The following WWOX variants were observed in gnomAD, a reference collection of about 807,000 sequenced individuals.
WWOX encodes WW domain containing oxidoreductase.
Under a neutral mutation model 46.2 loss-of-function variants are expected in WWOX, and 69 were observed. The observed-to-expected ratio is 1.49, with a 90% CI of 1.23 to 1.82. The LOEUF (loss-of-function observed/expected upper bound fraction) is 1.82. WWOX is among the 40% of genes most tolerant of loss of function. WWOX has a pLI of 0.00. For synonymous variants in WWOX, 359 were observed against 202.6 expected, an observed-to-expected ratio of 1.77 and a Z score of -6.56; for missense variants, 919 against 542.6, an observed-to-expected ratio of 1.69 and a Z score of -6.89.
chr16:79,207,594 T>C (rs1333819050), intron 8 of WWOX, among the ~76,000 whole-genome samples: 2 of 152,254 alleles, frequency 1.3e-5, no homozygotes, highest in Admixed American at 1.3e-4. Context: ...TATATAGATA[T>C]GCCATGATAT....
chr16:78,690,481 C>T (rs954381312), intron 8 of WWOX, among the ~76,000 whole-genome samples: 6 of 151,966 alleles, frequency 3.9e-5, no homozygotes, highest in African/African-American at 1.5e-4. Context: ...GGGCCCTGGA[C>T]GTCAAGGCTG....
intron 5 of WWOX, among the ~76,000 whole-genome samples, chr16:78,205,827 A>ACCTTCCTTCCTTCCTTCCGT (rs375728535): frequency 2.1e-5 from 3 of 144,840 alleles, no homozygotes; most frequent in East Asian, 2.0e-4. Context: ...CTTCCTTCCT[A>ACCTTCCTTCCTTCCTTCCGT]CCTTCCTTCC....
intron 8 of WWOX, among the ~76,000 whole-genome samples, chr16:78,799,623 C>T (rs952592240): frequency 0.059 from 19 of 320 alleles, no homozygotes; most frequent in South Asian, 0.17. Flanking sequence ...TGGCTTTGGA[C>T]GGCCCCCTGA....
At chr16:79,036,097 C>A (rs1056484505) in intron 8 of WWOX, among the ~76,000 whole-genome samples, 3 of 152,234 alleles carry the variant, frequency 2.0e-5, no homozygotes, top group Admixed American at 2.0e-4. Context: ...CTCCATTTCT[C>A]ATTCACCACA....
intron 8 of WWOX, among the ~76,000 whole-genome samples, chr16:78,785,296 C>T (rs989762994): frequency 6.6e-6 from 1 of 152,214 alleles, no homozygotes; most frequent in Non-Finnish European, 1.5e-5. Flanking sequence ...CAGAAATTCT[C>T]ACTTCCCAGC....
At chr16:78,251,859 T>C (rs532533386) in intron 5 of WWOX, among the ~76,000 whole-genome samples, 5 of 152,224 alleles carry the variant, frequency 3.3e-5, no homozygotes, top group Admixed American at 3.3e-4. Context: ...GGAAGGAAGG[T>C]TTTGGGTTAT....
chr16:78,104,168 C>T (rs1174423860), intron 1 of WWOX, among the ~76,000 whole-genome samples: 1 of 151,538 alleles, frequency 6.6e-6, no homozygotes, highest in Non-Finnish European at 1.5e-5. Context: ...GTGCCTGTGT[C>T]CACAGGGCTG....
rs187207768 is a variant in WWOX, at chr16:78,713,365, C to G, written c.1056+280613C>G. 2.1e-3 allele frequency among the ~76,000 whole-genome samples: 307 copies of G among 146,180 alleles called. 1 individual carries two copies. The highest frequency in any genetic ancestry group is 5.1e-3 in the Admixed American group (75 of 14,640). ...TGTGAGCTGGAGTAGACAACTAGTT[C>G]ATGGTAACAGGACCAGCAGAGCTCC... On this transcript the variant is annotated intron_variant, in intron 8 of 8. Coordinates refer to ENST00000566780, the MANE Select transcript of WWOX (RefSeq NM_016373.4).
At chr16:78,619,009 T>C (rs997720020) in intron 8 of WWOX, among the ~76,000 whole-genome samples, 12 of 148,944 alleles carry the variant, frequency 8.1e-5, no homozygotes, top group African/African-American at 3.0e-4. Context: ...TTCATTTAAG[T>C]GTTAGGCCAG....
At chr16:78,637,694 G>T (rs78204659) in intron 8 of WWOX, among the ~76,000 whole-genome samples, 1 of 152,188 alleles carries the variant, frequency 6.6e-6, no homozygotes, top group Non-Finnish European at 1.5e-5. Context: ...AGAGCTAAGC[G>T]CGGAGTAGGT....
chr16:78,224,228 C>G (rs1001436699), intron 5 of WWOX, among the ~76,000 whole-genome samples: 1 of 152,238 alleles, frequency 6.6e-6, no homozygotes, highest in Non-Finnish European at 1.5e-5. Flanking sequence ...TGGTCTCTAT[C>G]TCCTGACCTC....
chr16:78,723,780 G>C (rs1269628840), intron 8 of WWOX, among the ~76,000 whole-genome samples: 2 of 151,956 alleles, frequency 1.3e-5, no homozygotes, highest in Non-Finnish European at 2.9e-5. Flanking sequence ...GTCAAAAATG[G>C]AACTTGCTTC....
At chr16:78,649,860 C>G (rs2046927220) in intron 8 of WWOX, among the ~76,000 whole-genome samples, 1 of 152,318 alleles carries the variant, frequency 6.6e-6, no homozygotes, top group East Asian at 1.9e-4. Flanking sequence ...ATGACCTTGT[C>G]TTCCACATAT....
chr16:78,386,705 G>A (rs1476482700), intron 5 of WWOX, among the ~76,000 whole-genome samples, 155 bp from the exon 6 acceptor site: 2 of 136,418 alleles, frequency 1.5e-5, no homozygotes, highest in Non-Finnish European at 3.0e-5. Context: ...TAAAAGCCCT[G>A]TTCTTCCATT....
intron 8 of WWOX, among the ~76,000 whole-genome samples, chr16:78,575,507 G>T (rs867892382): frequency 2.0e-5 from 3 of 151,960 alleles, no homozygotes; most frequent in East Asian, 1.9e-4. Context: ...GGCACAAATC[G>T]TCTGATTTCA....
intron 8 of WWOX, chr16:79,202,652 C>T (rs1268016737): frequency 6.6e-6 from 1 of 152,134 alleles, no homozygotes; most frequent in Non-Finnish European, 1.5e-5. Context: ...TTCTATTCAG[C>T]TTTAAAGAGT....
At chr16:78,945,049 G>T in intron 8 of WWOX, among the ~76,000 whole-genome samples, 2 of 152,130 alleles carry the variant, frequency 1.3e-5, no homozygotes, top group South Asian at 2.1e-4. Flanking sequence ...GCATGGTGGC[G>T]TACACCTGTA....
intron 8 of WWOX, among the ~76,000 whole-genome samples, chr16:78,437,542 C>A (rs1455546714): frequency 3.3e-5 from 5 of 152,108 alleles, no homozygotes; most frequent in Non-Finnish European, 5.9e-5. Flanking sequence ...AGCACAGCGG[C>A]CCCTACTGGT....
intron 4 of WWOX, among the ~76,000 whole-genome samples, chr16:78,163,648 T>C (rs2034872396): frequency 6.6e-6 from 1 of 152,228 alleles, no homozygotes; most frequent in Admixed American, 6.5e-5. Flanking sequence ...TGTATGCACG[T>C]GTGTTATTTT....
Sources: allele counts gnomAD v4.1 joint callset (sites outside exome capture counted in the v4.1 genomes callset), GRCh38; gene constraint gnomAD v4.1.1; transcripts MANE v1.5; gene names NCBI Gene and HGNC (gene_info 2026-07-23, HGNC 2026-07-21).